Variants in ZBTB44 observed in about 807,000 individuals in gnomAD.
The protein encoded by ZBTB44 is zinc finger and BTB domain-containing protein 44.
A neutral mutation model predicts 54.0 loss-of-function variants in ZBTB44; 15 were observed. The ratio of observed to expected loss-of-function variants is 0.28; its 90% CI spans 0.19 to 0.43. The LOEUF is 0.43. ZBTB44 is among the 20% of genes least tolerant of loss of function. The probability of loss-of-function intolerance (pLI) is 1.00; values close to 1 mark genes in which losing one functional copy is unlikely to be tolerated. For synonymous variants in ZBTB44, 230 were observed against 250.1 expected (o/e 0.92, Z 0.76); for missense variants, 487 against 707.1 (o/e 0.69, Z 3.53).
chr11:130,292,892 CTT>C (rs1265487283), intron 1 of ZBTB44, among the ~76,000 whole-genome samples: 14 of 152,164 alleles, frequency 9.2e-5, no homozygotes, highest in Non-Finnish European at 1.5e-4. Flanking sequence ...TATTAAGACT[CTT>C]TTTTACTTTA....
chr11:130,252,799 A>G (rs1938128052), intron 2 of ZBTB44, among the ~76,000 whole-genome samples: 1 of 152,252 alleles, frequency 6.6e-6, no homozygotes, highest in Non-Finnish European at 1.5e-5. Context: ...ATGAACATCA[A>G]TGCAAAAATC....
At chr11:130,299,888 G>A (rs1034783520) in intron 1 of ZBTB44, among the ~76,000 whole-genome samples, 1 of 152,186 alleles carries the variant, frequency 6.6e-6, no homozygotes, top group African/African-American at 2.4e-5. Flanking sequence ...ATTCACAACA[G>A]CCAAAAGGTA....
intron 1 of ZBTB44, among the ~76,000 whole-genome samples, chr11:130,291,320 G>GT (rs1941292653): frequency 6.6e-6 from 1 of 152,056 alleles, no homozygotes; most frequent in Admixed American, 6.6e-5. Context: ...TGTATTTTTA[G>GT]TAGAGACAGG....
At chr11:130,304,706 TAC>T (rs1942173965) in intron 1 of ZBTB44, among the ~76,000 whole-genome samples, 1 of 152,182 alleles carries the variant, frequency 6.6e-6, no homozygotes, top group Non-Finnish European at 1.5e-5. Flanking sequence ...TCCCTGAAAG[TAC>T]AGTCCTAAGA....
intron 1 of ZBTB44, among the ~76,000 whole-genome samples, chr11:130,310,674 G>A (rs1270180063): frequency 2.0e-5 from 3 of 152,146 alleles, no homozygotes; most frequent in African/African-American, 7.2e-5. Context: ...AAAGGAGTAT[G>A]GTAAAGGTAA....
intron 1 of ZBTB44, among the ~76,000 whole-genome samples, chr11:130,288,216 A>C (rs1156715800): frequency 2.0e-5 from 3 of 151,646 alleles, no homozygotes; most frequent in Non-Finnish European, 4.4e-5. Flanking sequence ...TCTACCAAAA[A>C]TATAAAAATT....
At chr11:130,235,967 C>T in intron 5 of ZBTB44, 1 of 601,308 alleles carries the variant, frequency 1.7e-6, no homozygotes, top group Non-Finnish European at 2.1e-6. Context: ...GACTCCATCT[C>T]AAAAAAAAAA....
At chr11:130,233,618 ATTAG>A (rs1317682635) in intron 6 of ZBTB44, 1 of 1,279,786 alleles carries the variant, frequency 7.8e-7, no homozygotes, top group Non-Finnish European at 9.9e-7. Flanking sequence ...CTGTTTAGTA[ATTAG>A]TTTCTCATGT....
At chr11:130,252,681 A>C (rs549704625) in intron 2 of ZBTB44, among the ~76,000 whole-genome samples, 1 of 152,306 alleles carries the variant, frequency 6.6e-6, no homozygotes, top group South Asian at 2.1e-4. Flanking sequence ...TATTCCAATC[A>C]GTAGAAAAAG....
At chr11:130,232,440 T>A (rs144044296) in intron 7 of ZBTB44, 1 of 152,212 alleles carries the variant, frequency 6.6e-6, no homozygotes, top group African/African-American at 2.4e-5. Flanking sequence ...TAGAGGATCA[T>A]ACAAATTTCA....
chr11:130,278,845 T>C (rs143315851), intron 1 of ZBTB44, among the ~76,000 whole-genome samples: 3 of 152,344 alleles, frequency 2.0e-5, no homozygotes, highest in Admixed American at 6.5e-5. Context: ...TTTACCTCTT[T>C]ATGCTTTTTC....
intron 1 of ZBTB44, chr11:130,296,736 C>CT: frequency 2.2e-6 from 2 of 925,748 alleles, no homozygotes; most frequent in South Asian, 2.6e-5. Flanking sequence ...TCAGTCTCAG[C>CT]TTGAGAAATT....
At chr11:130,241,053 G>A (rs1036238405) in intron 2 of ZBTB44, among the ~76,000 whole-genome samples, 3 of 152,074 alleles carry the variant, frequency 2.0e-5, no homozygotes, top group Non-Finnish European at 2.9e-5. Flanking sequence ...TGGACTCATC[G>A]TTTTTACGTG....
chr11:130,282,799 C>T (rs1940626230), intron 1 of ZBTB44, among the ~76,000 whole-genome samples: 1 of 152,140 alleles, frequency 6.6e-6, no homozygotes, highest in Non-Finnish European at 1.5e-5. Context: ...AGCCACGACA[C>T]ACGACAGCAG....
At chr11:130,247,804 T>C (rs1937648777) in intron 2 of ZBTB44, among the ~76,000 whole-genome samples, 1 of 152,224 alleles carries the variant, frequency 6.6e-6, no homozygotes, top group Admixed American at 6.5e-5. Context: ...TAGGCAACTA[T>C]TAATATTTAC....
chr11:130,266,282 C>A (rs1939243242), intron 1 of ZBTB44, among the ~76,000 whole-genome samples: 1 of 152,170 alleles, frequency 6.6e-6, no homozygotes, highest in Non-Finnish European at 1.5e-5. Context: ...TTTAAAAGCC[C>A]ACTGTTGAGG....
At chr11:130,306,276 G>A (rs1942259311) in intron 1 of ZBTB44, among the ~76,000 whole-genome samples, 2 of 152,206 alleles carry the variant, frequency 1.3e-5, no homozygotes, top group Non-Finnish European at 2.9e-5. Context: ...GCTGAGGTGG[G>A]CGGATCACCT....
chr11:130,285,254 T>C (rs1940867097), intron 1 of ZBTB44: 1 of 159,018 alleles, frequency 6.3e-6, no homozygotes, highest in South Asian at 2.1e-4. Flanking sequence ...CATTCTTTAG[T>C]ATTTCCTCCA....
rs111873646 is a variant in ZBTB44 at position 130,296,320 on chromosome 11, G to A, written c.-57+18055C>T. 1.2e-3 allele frequency: 1,795 copies of A among 1,519,714 alleles called. 19 individuals are homozygous for A. In the African/African-American group the frequency reaches 0.021, roughly 18 times the overall value. 94.1% of individuals were successfully genotyped at this position (1,519,714 alleles called of 1,614,324 possible). A position where few individuals can be genotyped will look rare whatever the true frequency, so the allele number is the denominator to read the frequency against. On this transcript the variant is annotated intron_variant, in intron 1 of 7. Transcript: ENST00000357899. Reference sequence around the variant, plus strand: ...CTCTTTACATTCCTTAAGAAGAACCGAAAGAAGCTCGTGGTCTTCTTTTCA... The same window carrying A: ...CTCTTTACATTCCTTAAGAAGAACCAAAAGAAGCTCGTGGTCTTCTTTTCA...
Sources: allele counts gnomAD v4.1 joint callset (sites outside exome capture counted in the v4.1 genomes callset), GRCh38; gene constraint gnomAD v4.1.1; transcripts MANE v1.5; gene names NCBI Gene and HGNC (gene_info 2026-07-23, HGNC 2026-07-21).